The following FRMD4B variants were observed in gnomAD, a reference collection of about 807,000 sequenced individuals.
The protein encoded by FRMD4B is FERM domain-containing protein 4B.
Under a neutral mutation model 141.5 loss-of-function variants are expected in FRMD4B, and 74 were observed. The observed-to-expected ratio is 0.52, with a 90% CI of 0.43 to 0.63. The LOEUF is 0.63. Ranked by LOEUF, FRMD4B falls within the 30% of genes least tolerant of loss-of-function variation. The probability of loss-of-function intolerance (pLI) is 0.00; values close to 1 mark genes in which losing one functional copy is unlikely to be tolerated. For synonymous variants in FRMD4B, 506 were observed against 467.9 expected, an observed-to-expected ratio of 1.08 and a Z score of -1.05; for missense variants, 1,366 against 1,253.4, an observed-to-expected ratio of 1.09 and a Z score of -1.36.
chr3:69,206,442 T>C (rs1164493588), intron 11 of FRMD4B, among the ~76,000 whole-genome samples: 1 of 152,146 alleles, frequency 6.6e-6, no homozygotes, highest in Non-Finnish European at 1.5e-5. Flanking sequence ...ACAAAGAAGT[T>C]CTGGGTATTG....
At chr3:69,526,227 G>A (rs778632510) in intron 1 of FRMD4B, among the ~76,000 whole-genome samples, 3 of 152,086 alleles carry the variant, frequency 2.0e-5, no homozygotes, top group South Asian at 2.1e-4. Flanking sequence ...TGGCTCCCTC[G>A]GATTTTTCCT....
chr3:69,435,170 T>A, intron 1 of FRMD4B, among the ~76,000 whole-genome samples: 1 of 152,174 alleles, frequency 6.6e-6, no homozygotes, highest in East Asian at 1.9e-4. Context: ...TATATCAATC[T>A]AAGGGCTGGC....
intron 5 of FRMD4B, among the ~76,000 whole-genome samples, chr3:69,256,678 G>A (rs1475689341): frequency 6.6e-6 from 1 of 152,142 alleles, no homozygotes; most frequent in Non-Finnish European, 1.5e-5. Flanking sequence ...CAACACTGAA[G>A]ACCTCTACTA....
At chr3:69,192,547 C>A (rs2107638573) in intron 17 of FRMD4B, among the ~76,000 whole-genome samples, 2 of 151,616 alleles carry the variant, frequency 1.3e-5, no homozygotes, top group South Asian at 4.2e-4. Context: ...GACTTTAAAT[C>A]CACCTGGGAT....
chr3:69,178,247 G>A (rs1367422609), intron 21 of FRMD4B, among the ~76,000 whole-genome samples: 1 of 152,178 alleles, frequency 6.6e-6, no homozygotes, highest in Non-Finnish European at 1.5e-5. Context: ...TGATCACTAT[G>A]GGACAAACGC....
At chr3:69,203,245 A>T (rs974821275) in intron 11 of FRMD4B, among the ~76,000 whole-genome samples, 1 of 151,070 alleles carries the variant, frequency 6.6e-6, no homozygotes, top group African/African-American at 2.4e-5. Context: ...AAGAACTACA[A>T]GAAATCACCT....
intron 11 of FRMD4B, among the ~76,000 whole-genome samples, chr3:69,203,834 C>G (rs193166778): frequency 6.6e-6 from 1 of 152,300 alleles, no homozygotes; most frequent in East Asian, 1.9e-4. Context: ...CCAATTTTAT[C>G]ACATGGAGGG....
chr3:69,527,487 C>A (rs193021263), intron 1 of FRMD4B, among the ~76,000 whole-genome samples: 3 of 152,170 alleles, frequency 2.0e-5, no homozygotes, highest in Admixed American at 1.3e-4. Flanking sequence ...AAAGCAGAGG[C>A]AAAGACCAAA....
At position 69,329,653 on chromosome 3, in the gene FRMD4B, G is replaced by A. The variant is rs1465097152; in HGVS notation, c.163-16136C>T. On this transcript the variant is annotated intron_variant, in intron 1 of 22. Coordinates refer to ENST00000398540, the MANE Select transcript of FRMD4B (RefSeq NM_015123.3). ...AGCAATTCTCCTGCCTCAGCCTCCC[G>A]AGTAGCTGGGATTACAGGCGCCCGC... Among the ~76,000 whole-genome samples the A allele has an allele frequency of 3.4e-5, 5 of 145,350 alleles. No homozygotes were observed. In the South Asian group the frequency reaches 9.1e-4, roughly 26 times the overall value.
chr3:69,205,168 C>T (rs761203451), intron 11 of FRMD4B, among the ~76,000 whole-genome samples: 1 of 151,384 alleles, frequency 6.6e-6, no homozygotes, highest in African/African-American at 2.4e-5. Flanking sequence ...TGAGTCCCCC[C>T]CCTTTTTTTT....
At chr3:69,458,501 A>G (rs1454774475) in intron 1 of FRMD4B, among the ~76,000 whole-genome samples, 1 of 152,226 alleles carries the variant, frequency 6.6e-6, no homozygotes, top group Admixed American at 6.5e-5. Context: ...GGGAAGAGCT[A>G]CAATGTGTCC....
At chr3:69,211,929 T>C (rs951687203) in intron 11 of FRMD4B, among the ~76,000 whole-genome samples, 3 of 152,130 alleles carry the variant, frequency 2.0e-5, no homozygotes, top group East Asian at 1.9e-4. Context: ...AATCCTTACA[T>C]TGTCTGGACA....
At chr3:69,242,196 G>T (rs1378795450) in intron 7 of FRMD4B, among the ~76,000 whole-genome samples, 2 of 152,148 alleles carry the variant, frequency 1.3e-5, no homozygotes, top group Non-Finnish European at 2.9e-5. Flanking sequence ...GCTGGGCCTG[G>T]ATTTGAACCC....
chr3:69,307,987 A>C (rs1264200331), intron 3 of FRMD4B, among the ~76,000 whole-genome samples: 1 of 152,092 alleles, frequency 6.6e-6, no homozygotes, highest in Non-Finnish European at 1.5e-5. Context: ...TGCCCACAAA[A>C]TAACTCTTGC....
chr3:69,454,896 C>T (rs995826821), intron 1 of FRMD4B, among the ~76,000 whole-genome samples: 7 of 152,370 alleles, frequency 4.6e-5, no homozygotes, highest in African/African-American at 1.4e-4. Context: ...ACTCCTAAAT[C>T]GGGTGGGGAC....
At chr3:69,255,244 G>A (rs2093485580) in intron 5 of FRMD4B, among the ~76,000 whole-genome samples, 1 of 152,160 alleles carries the variant, frequency 6.6e-6, no homozygotes, top group Non-Finnish European at 1.5e-5. Context: ...TCTCAAGTGG[G>A]TCAAAAAATT....
chr3:69,196,783 C>CA (rs112092386), intron 13 of FRMD4B, 117 bp downstream of exon 13: 17 of 750,740 alleles, frequency 2.3e-5, no homozygotes, highest in African/African-American at 8.9e-5. Context: ...AAGTTAAACG[C>CA]AAAAAAATCT....
intron 1 of FRMD4B, among the ~76,000 whole-genome samples, chr3:69,461,029 C>A (rs1705699319): frequency 1.3e-5 from 2 of 152,194 alleles, no homozygotes; most frequent in African/African-American, 4.8e-5. Context: ...CATTCTACAT[C>A]TGAAGTTTTT....
chr3:69,180,109 T>C (rs768549967), intron 21 of FRMD4B, among the ~76,000 whole-genome samples: 9 of 152,084 alleles, frequency 5.9e-5, no homozygotes, highest in East Asian at 1.9e-4. Context: ...AATTACAATA[T>C]GCATGGCCAG....
Sources: allele counts gnomAD v4.1 joint callset (sites outside exome capture counted in the v4.1 genomes callset), GRCh38; gene constraint gnomAD v4.1.1; transcripts MANE v1.5; gene names NCBI Gene and HGNC (gene_info 2026-07-23, HGNC 2026-07-21).